Variants in FOXP1 observed in about 807,000 individuals in gnomAD.
The protein encoded by FOXP1 is forkhead box P1.
Under a neutral mutation model 98.2 loss-of-function variants are expected in FOXP1, and 15 were observed. The ratio of observed to expected loss-of-function variants is 0.15; its 90% CI spans 0.10 to 0.24. The LOEUF is 0.24. Ranked by LOEUF, FOXP1 falls within the 10% of genes least tolerant of loss-of-function variation. The pLI is 1.00. For missense variants in FOXP1, 633 were observed against 848.5 expected (o/e 0.75, Z 3.15); for synonymous variants, 371 against 314.5 (o/e 1.18, Z -1.90).
chr3:71,105,828 T>C (rs1232585266), intron 7 of FOXP1, among the ~76,000 whole-genome samples: 2 of 152,176 alleles, frequency 1.3e-5, no homozygotes, highest in Non-Finnish European at 2.9e-5. Flanking sequence ...AGGGTAATTA[T>C]GCAGATCTGA....
chr3:71,198,024 C>A (rs1576337629), intron 6 of FOXP1, 178 bp downstream of exon 6: 1 of 1,614,254 alleles, frequency 6.2e-7, no homozygotes, highest in Non-Finnish European at 8.5e-7. Flanking sequence ...GTCTCTTAAG[C>A]CAACTGCTGG....
At chr3:71,115,787 A>G (rs1167506862) in intron 6 of FOXP1, among the ~76,000 whole-genome samples, 1 of 138,828 alleles carries the variant, frequency 7.2e-6, no homozygotes, top group Non-Finnish European at 1.5e-5. Context: ...CCCAGGCTGG[A>G]GTGCAGTAGT....
chr3:71,510,745 T>C (rs2042147561), intron 2 of FOXP1, among the ~76,000 whole-genome samples: 2 of 152,194 alleles, frequency 1.3e-5, no homozygotes, highest in Admixed American at 1.3e-4. Context: ...CATATTTACA[T>C]TTGTAAAAAG....
At position 71,472,415 on chromosome 3, in the gene FOXP1, T is replaced by C. The variant is rs533295995; in HGVS notation, c.-168+21011A>G. Reference sequence around the variant, plus strand: ...GTCCGAGAGGATTCAGTAGAAGTTCTGAAAATATGTAAAATCATACTTTTC... The same window carrying C: ...GTCCGAGAGGATTCAGTAGAAGTTCCGAAAATATGTAAAATCATACTTTTC... On this transcript the variant is annotated intron_variant, in intron 3 of 20. Coordinates refer to ENST00000649528, the MANE Select transcript of FOXP1 (RefSeq NM_001349338.3). Among the ~76,000 whole-genome samples, 26 of 150,878 alleles carry C rather than the reference T, an allele frequency of 1.7e-4. 1 individual carries two copies. The South Asian group carries it at 2.9e-3, about 17-fold the overall frequency.
chr3:71,427,059 T>TA lies in FOXP1; in HGVS notation c.-168+66366_-168+66367insT, dbSNP rs2084225458. Among the ~76,000 whole-genome samples the TA allele has an allele frequency of 4.5e-5, 6 of 133,068 alleles. No homozygotes were observed. The South Asian group carries it at 1.5e-3, about 33-fold the overall frequency. The allele number at this position is 133,068 out of a possible 152,430, so 87.3% of individuals were successfully genotyped here. The stretch of plus-strand genomic sequence containing the variant: ...CTGGGTGACAGAGCGAGACTCCATC[T>TA]CAAAAAAAAAAAAAAAAATCAGATG... On this transcript the variant is annotated intron_variant, in intron 3 of 20. Coordinates refer to ENST00000649528, the MANE Select transcript of FOXP1 (RefSeq NM_001349338.3).
chr3:71,050,321 G>A (rs987369424), intron 9 of FOXP1, among the ~76,000 whole-genome samples: 30 of 152,090 alleles, frequency 2.0e-4, no homozygotes, highest in Non-Finnish European at 4.1e-4. Flanking sequence ...GCATGCAGAC[G>A]TGCATTCCAA....
chr3:71,087,260 T>C (rs1448634037), intron 7 of FOXP1, among the ~76,000 whole-genome samples: 1 of 152,174 alleles, frequency 6.6e-6, no homozygotes, highest in Non-Finnish European at 1.5e-5. Flanking sequence ...AGTTCTTTGT[T>C]GGGTGGGTCA....
At chr3:70,993,034 T>C (rs527958034) in intron 13 of FOXP1, among the ~76,000 whole-genome samples, 1 of 152,308 alleles carries the variant, frequency 6.6e-6, no homozygotes, top group African/African-American at 2.4e-5. Flanking sequence ...CAAAGGGGGA[T>C]ACATTACAGA....
At chr3:71,038,657 A>G (rs2047932681) in intron 11 of FOXP1, among the ~76,000 whole-genome samples, 1 of 149,634 alleles carries the variant, frequency 6.7e-6, no homozygotes, top group South Asian at 2.1e-4. Context: ...CTAACTAATC[A>G]TTGCTTTTTT....
intron 6 of FOXP1, chr3:71,197,899 T>G: frequency 2.5e-6 from 4 of 1,614,226 alleles, no homozygotes; most frequent in Non-Finnish European, 2.5e-6. Flanking sequence ...AAAGAATAAT[T>G]TTATTCAAAA....
At chr3:71,388,620 A>C (rs879630214) in intron 3 of FOXP1, among the ~76,000 whole-genome samples, 9 of 152,220 alleles carry the variant, frequency 5.9e-5, no homozygotes, top group Non-Finnish European at 8.8e-5. Context: ...AGTTTCCTAA[A>C]GCACAAGGTA....
intron 5 of FOXP1, among the ~76,000 whole-genome samples, chr3:71,211,466 A>G (rs1223017158): frequency 1.3e-5 from 2 of 152,074 alleles, no homozygotes; most frequent in East Asian, 3.9e-4. Context: ...TTGGCCTCCT[A>G]AAGTGCTGGA....
At chr3:71,521,481 C>T (rs2042981774) in intron 2 of FOXP1, among the ~76,000 whole-genome samples, 1 of 147,608 alleles carries the variant, frequency 6.8e-6, no homozygotes, top group East Asian at 2.1e-4. Flanking sequence ...GAGCCAAGAT[C>T]ACACCACTGC....
chr3:71,298,240 G>A (rs545925957), intron 5 of FOXP1, among the ~76,000 whole-genome samples: 2 of 152,222 alleles, frequency 1.3e-5, no homozygotes, highest in African/African-American at 4.8e-5. Flanking sequence ...GCCGAGGTGG[G>A]CGGATCACGA....
chr3:71,158,278 T>C (rs1438512863), intron 6 of FOXP1, among the ~76,000 whole-genome samples: 2 of 151,302 alleles, frequency 1.3e-5, no homozygotes, highest in East Asian at 3.9e-4. Flanking sequence ...AGAAGTCAGG[T>C]AGTAGATCAA....
chr3:71,216,383 TG>T (rs1332622996), intron 5 of FOXP1, among the ~76,000 whole-genome samples: 1 of 151,170 alleles, frequency 6.6e-6, no homozygotes, highest in Admixed American at 6.6e-5. Flanking sequence ...AGATTTGTGA[TG>T]GGAGAATTCT....
chr3:71,492,122 G>T (rs1203647216), intron 3 of FOXP1, among the ~76,000 whole-genome samples: 1 of 152,076 alleles, frequency 6.6e-6, no homozygotes, highest in Non-Finnish European at 1.5e-5. Context: ...AACACTGATA[G>T]GATAGGATCC....
chr3:71,332,167 A>G (rs2076365180), intron 4 of FOXP1: 1 of 152,366 alleles, frequency 6.6e-6, no homozygotes, highest in Admixed American at 6.5e-5. Context: ...TTGGGTCCAC[A>G]CTGCCTTTAT....
rs2059823427 is a variant in FOXP1 at position 71,136,423 on chromosome 3, T to G, written c.181-23786A>C. 6.6e-5 allele frequency among the ~76,000 whole-genome samples: 10 copies of G among 152,346 alleles called. 1 individual carries two copies. In the South Asian group the frequency reaches 2.1e-3, roughly 32 times the overall value. On this transcript the variant is annotated intron_variant, in intron 6 of 20. Transcript: ENST00000649528. ...CTGTTCTTCCAAGTCAATTACGCCT[T>G]TCAACTTCTGGGGCATTGTATGATA... is the stretch of plus-strand genomic sequence containing the variant.
Sources: gnomAD v4.1 joint callset for allele counts (sites outside exome capture counted in the v4.1 genomes callset) on GRCh38, gnomAD v4.1.1 for gene constraint, MANE v1.5 for transcripts, NCBI Gene and HGNC (gene_info 2026-07-23, HGNC 2026-07-21) for gene names.